Variants in CDH13 observed in about 807,000 individuals in gnomAD.
The protein encoded by CDH13 is cadherin-13.
A neutral mutation model predicts 63.8 loss-of-function variants in CDH13; 24 were observed. That is an observed-to-expected ratio of 0.38 (90% CI 0.27 to 0.53). The LOEUF (loss-of-function observed/expected upper bound fraction) is 0.53, where lower values mean the gene tolerates loss of function less well. Ranked by LOEUF, CDH13 falls within the 20% of genes least tolerant of loss-of-function variation. The pLI is 0.85. For missense variants in CDH13, 1,049 were observed against 903.1 expected, an observed-to-expected ratio of 1.16 and a Z score of -2.07; for synonymous variants, 503 against 355.3, an observed-to-expected ratio of 1.42 and a Z score of -4.67.
chr16:82,977,715 G>T (rs1909714719), intron 2 of CDH13, among the ~76,000 whole-genome samples: 1 of 152,158 alleles, frequency 6.6e-6, no homozygotes, highest in African/African-American at 2.4e-5. Context: ...CAGCAAATTG[G>T]TTCTGAGGGA....
chr16:83,207,688 G>A (rs2039223185), intron 4 of CDH13, among the ~76,000 whole-genome samples: 1 of 149,836 alleles, frequency 6.7e-6, no homozygotes, highest in Non-Finnish European at 1.5e-5. Flanking sequence ...ACTGTTATTA[G>A]CCACATTAGT....
intron 3 of CDH13, among the ~76,000 whole-genome samples, chr16:83,117,460 C>G (rs1354815672): frequency 6.6e-6 from 1 of 152,124 alleles, no homozygotes; most frequent in Non-Finnish European, 1.5e-5. Context: ...CACCCTCTCC[C>G]CCTGAGCACT....
chr16:82,825,313 T>G (rs911566755), intron 1 of CDH13: 3 of 152,196 alleles, frequency 2.0e-5, no homozygotes, highest in Non-Finnish European at 2.9e-5. Context: ...CTCCCTGACT[T>G]TGTTTTCACA....
At chr16:83,569,775 C>G (rs574324129) in intron 7 of CDH13, among the ~76,000 whole-genome samples, 6 of 152,260 alleles carry the variant, frequency 3.9e-5, no homozygotes, top group Admixed American at 1.3e-4. Context: ...CTCACTCTGT[C>G]TCCCAGGCTG....
chr16:83,047,817 C>T lies in CDH13; in HGVS notation c.366+15599C>T, dbSNP rs139557715. ...GGCACCACTTTAAGTGCATTTCTTACATTAAGTCATATAATCTTTATAATA... is the reference window on the plus strand; with the variant it reads ...GGCACCACTTTAAGTGCATTTCTTATATTAAGTCATATAATCTTTATAATA... On this transcript the variant is annotated intron_variant, in intron 3 of 13. Transcript: ENST00000567109. The surrounding 1 kb of genome is among the most constrained non-coding windows in gnomAD (Gnocchi z 4.9). Among the ~76,000 whole-genome samples, 948 of 152,312 alleles carry T rather than the reference C, an allele frequency of 6.2e-3. 12 individuals are homozygous for T. The highest frequency in any genetic ancestry group is 0.022 in the African/African-American group (894 of 41,550).
At chr16:83,231,764 C>G (rs1419502070) in intron 5 of CDH13, among the ~76,000 whole-genome samples, 1 of 152,146 alleles carries the variant, frequency 6.6e-6, no homozygotes, top group Non-Finnish European at 1.5e-5. Flanking sequence ...TAGATGAACC[C>G]TGGTATGGGT....
At chr16:82,734,401 C>A (rs908744933) in intron 1 of CDH13, among the ~76,000 whole-genome samples, 1 of 152,130 alleles carries the variant, frequency 6.6e-6, no homozygotes, top group Admixed American at 6.5e-5. Flanking sequence ...ATAGGAGTCT[C>A]AGGATGGGAA....
chr16:83,728,790 A>G (rs574821060), intron 10 of CDH13: 1 of 152,360 alleles, frequency 6.6e-6, no homozygotes, highest in Non-Finnish European at 1.5e-5. Context: ...TAATATTTAG[A>G]TAGTATTGTC....
At chr16:83,214,093 C>T (rs929619575) in intron 4 of CDH13, among the ~76,000 whole-genome samples, 2 of 152,046 alleles carry the variant, frequency 1.3e-5, no homozygotes, top group Admixed American at 1.3e-4. Context: ...ACAACCTGCT[C>T]GGATCCCCTT....
At chr16:83,649,041 GA>G (rs1210627216) in intron 8 of CDH13, among the ~76,000 whole-genome samples, 3 of 152,228 alleles carry the variant, frequency 2.0e-5, no homozygotes, top group African/African-American at 7.2e-5. Flanking sequence ...CAAGCTGAAA[GA>G]ATTCACCTTT....
intron 1 of CDH13, among the ~76,000 whole-genome samples, chr16:82,636,698 T>C (rs78153841): frequency 0.058 from 8,775 of 152,218 alleles, 341 homozygotes; most frequent in East Asian, 0.11. Context: ...TGCCAGGCAG[T>C]GGTATATTGG....
chr16:83,593,574 A>G (rs753644357), intron 7 of CDH13, among the ~76,000 whole-genome samples: 2 of 150,734 alleles, frequency 1.3e-5, no homozygotes, highest in Non-Finnish European at 3.0e-5. Context: ...TATTATATAT[A>G]ATTGTATATT....
chr16:82,711,167 G>A (rs1597380217), intron 1 of CDH13, among the ~76,000 whole-genome samples: 1 of 152,202 alleles, frequency 6.6e-6, no homozygotes, highest in South Asian at 2.1e-4. Flanking sequence ...GGCAGTGACC[G>A]CAGTGTGGAG....
chr16:83,448,666 AT>A (rs948116297), intron 6 of CDH13, among the ~76,000 whole-genome samples: 2 of 152,164 alleles, frequency 1.3e-5, no homozygotes, highest in Non-Finnish European at 2.9e-5. Context: ...GAATTGGTCA[AT>A]TTTTCCAGGG....
chr16:83,673,768 G>T lies in CDH13; in HGVS notation c.1284+2796G>T, dbSNP rs896434218. The stretch of plus-strand genomic sequence containing the variant: ...ACCTGCTGTGTCAGAATATGAGAGA[G>T]AGGTGTGCCAGGTGGTTCTGTTGTT... On this transcript the variant is annotated intron_variant, in intron 9 of 13. Coordinates refer to ENST00000567109, the MANE Select transcript of CDH13 (RefSeq NM_001257.5). 2.0e-5 allele frequency among the ~76,000 whole-genome samples: 3 copies of T among 152,312 alleles called. No individual in the cohort carries two copies. In the East Asian group the frequency reaches 5.8e-4, roughly 29 times the overall value.
chr16:83,341,994 CA>C lies in CDH13; in HGVS notation c.637-2867del, dbSNP rs200779764. Reference sequence around the variant, plus strand: ...TTTTGAATAGGTGTCCCCTGCCACACACACACACACACACACACACACACAC... The same window carrying C: ...TTTTGAATAGGTGTCCCCTGCCACACCACACACACACACACACACACACAC... On this transcript the variant is annotated intron_variant, in intron 5 of 13. Coordinates refer to ENST00000567109, the MANE Select transcript of CDH13 (RefSeq NM_001257.5). Among the ~76,000 whole-genome samples, 717 of 126,328 alleles carry C rather than the reference CA, an allele frequency of 5.7e-3. 4 individuals are homozygous for C. Among genetic ancestry groups the C allele is most frequent in the Admixed American group, 9.5e-3 (127 of 13,434 alleles). The allele number at this position is 126,328 out of a possible 152,430, so 82.9% of individuals were successfully genotyped here.
intron 7 of CDH13, among the ~76,000 whole-genome samples, chr16:83,522,422 A>G (rs2074861133): frequency 6.6e-6 from 1 of 152,236 alleles, no homozygotes; most frequent in African/African-American, 2.4e-5. Flanking sequence ...TCCACAGCGC[A>G]ATATGCAACC....
intron 5 of CDH13, among the ~76,000 whole-genome samples, chr16:83,238,147 C>T (rs752939062): frequency 3.3e-5 from 5 of 151,864 alleles, no homozygotes; most frequent in African/African-American, 1.2e-4. Flanking sequence ...ATGAACTGTT[C>T]TGGTCTTTGC....
Position 82,693,572 on chromosome 16 carries a change from C to T in CDH13, c.45+66435C>T, listed in dbSNP as rs191357453. Among the ~76,000 whole-genome samples the T allele has an allele frequency of 6.4e-3, 968 of 152,298 alleles. 7 individuals carry two copies. The highest frequency in any genetic ancestry group is 0.011 in the Non-Finnish European group (721 of 68,032). ...GACCCCCATTTTCCTACATTAAACC[C>T]TGTATAAGAACCTCCAAGTAGACAC... On this transcript the variant is annotated intron_variant, in intron 1 of 13. Coordinates refer to ENST00000567109, the MANE Select transcript of CDH13 (RefSeq NM_001257.5).
Sources: gnomAD v4.1 joint callset for allele counts (sites outside exome capture counted in the v4.1 genomes callset) on GRCh38, gnomAD v4.1.1 for gene constraint, Gnocchi (gnomAD v3.1) non-coding constraint, MANE v1.5 for transcripts, NCBI Gene and HGNC (gene_info 2026-07-23, HGNC 2026-07-21) for gene names.